PRMT8: variants seen among roughly 807,000 people sequenced by gnomAD.
PRMT8 encodes protein arginine N-methyltransferase 8.
PRMT8 carries 7 observed loss-of-function variants against 47.1 expected under a neutral mutation model. The ratio of observed to expected loss-of-function variants is 0.15; its 90% CI spans 0.08 to 0.28. PRMT8 has a LOEUF of 0.28. Ranked by LOEUF, PRMT8 falls within the 10% of genes least tolerant of loss-of-function variation. The pLI is 1.00. For missense variants in PRMT8, 237 were observed against 505.4 expected (o/e 0.47, Z 5.09); for synonymous variants, 188 against 186.5 (o/e 1.01, Z -0.07).
chr12:3,402,654 G>A (rs1375825489), intron 1 of PRMT8, among the ~76,000 whole-genome samples: 1 of 152,110 alleles, frequency 6.6e-6, no homozygotes, highest in Non-Finnish European at 1.5e-5. Context: ...ATTAAAAAGT[G>A]GGCAAAGAAC....
chr12:3,389,836 T>G (rs1056731576), intron 1 of PRMT8, among the ~76,000 whole-genome samples: 3 of 152,190 alleles, frequency 2.0e-5, no homozygotes, highest in African/African-American at 7.2e-5. Flanking sequence ...AGGGCAAGTA[T>G]GGGAAGCAAG....
intron 1 of PRMT8, among the ~76,000 whole-genome samples, chr12:3,460,516 G>A (rs911731874): frequency 8.5e-5 from 13 of 152,274 alleles, no homozygotes; most frequent in Admixed American, 7.8e-4. Flanking sequence ...GCTGTTCATA[G>A]GCAATGATGA....
rs375053114 is a variant in PRMT8, at chr12:3,554,786, G to C, written c.481+1072G>C. ...GCTTTGTCAAGTCCGAGGCACCGAGGAGTCAGCTCAGCCTCCCCTCTCTGT... is the reference window on the plus strand; with the variant it reads ...GCTTTGTCAAGTCCGAGGCACCGAGCAGTCAGCTCAGCCTCCCCTCTCTGT... On this transcript the variant is annotated intron_variant, in intron 4 of 9. Transcript: ENST00000382622. 7.9e-5 allele frequency among the ~76,000 whole-genome samples: 12 copies of C among 152,286 alleles called. 1 individual carries two copies. The highest frequency in any genetic ancestry group is 3.3e-4 in the Admixed American group (5 of 15,306).
chr12:3,571,173 CT>C (rs1305431893), intron 6 of PRMT8, among the ~76,000 whole-genome samples: 1 of 152,224 alleles, frequency 6.6e-6, no homozygotes, highest in African/African-American at 2.4e-5. Context: ...CTTTCTGCCC[CT>C]GGCTCTGGCA....
chr12:3,419,308 C>A (rs141556042), intron 1 of PRMT8, among the ~76,000 whole-genome samples: 1 of 152,290 alleles, frequency 6.6e-6, no homozygotes, highest in Non-Finnish European at 1.5e-5. Context: ...AAGGCGGAAG[C>A]AGACTGGCTA....
chr12:3,556,350 G>A (rs923942775), intron 4 of PRMT8, among the ~76,000 whole-genome samples: 2 of 152,084 alleles, frequency 1.3e-5, no homozygotes, highest in Non-Finnish European at 2.9e-5. Context: ...GGGGAGAAGG[G>A]CAGCAAAGAG....
chr12:3,414,679 G>A (rs559566568), intron 1 of PRMT8, among the ~76,000 whole-genome samples: 1 of 152,226 alleles, frequency 6.6e-6, no homozygotes, highest in East Asian at 1.9e-4. Flanking sequence ...GGCAGTGTAT[G>A]CAGAGGATGA....
rs1555085718 is a variant in PRMT8, at chr12:3,496,214, A to ATTTTTT, written c.75+4535_75+4540dup. ...TTTGGAAACTGATATATATATATAT[A>ATTTTTT]TTTTTTTTTTTTTTTTTTTTTTTTT... On this transcript the variant is annotated intron_variant, in intron 1 of 9. Coordinates refer to ENST00000382622, the MANE Select transcript of PRMT8 (RefSeq NM_019854.5). Among the ~76,000 whole-genome samples, 68 of 27,760 alleles carry ATTTTTT rather than the reference A, an allele frequency of 2.4e-3. 1 individual carries two copies. The highest frequency in any genetic ancestry group is 7.7e-3 in the South Asian group (3 of 392). 18.2% of individuals were successfully genotyped at this position (27,760 alleles called of 152,430 possible).
rs989662286 is a variant in PRMT8, at chr12:3,516,797, C to A, written c.76-23809C>A. Reference sequence around the variant, plus strand: ...GCTTGTTTGTTGGCCTCCCCCTCCCCACCTTCCCCCTCGCCCCTTAGTTGC... The same window carrying A: ...GCTTGTTTGTTGGCCTCCCCCTCCCAACCTTCCCCCTCGCCCCTTAGTTGC... On this transcript the variant is annotated intron_variant, in intron 1 of 9. Transcript: ENST00000382622. Among the ~76,000 whole-genome samples, 5 of 152,272 alleles carry A rather than the reference C, an allele frequency of 3.3e-5. 1 individual carries two copies. The highest frequency in any genetic ancestry group is 6.5e-5 in the Admixed American group (1 of 15,294).
intron 1 of PRMT8, among the ~76,000 whole-genome samples, chr12:3,400,730 C>G (rs1864306677): frequency 2.0e-5 from 3 of 152,196 alleles, no homozygotes; most frequent in Admixed American, 2.0e-4. Context: ...GGCCAATATC[C>G]TTGATGAACA....
At chr12:3,458,921 A>T (rs1865006361) in intron 1 of PRMT8, among the ~76,000 whole-genome samples, 1 of 152,208 alleles carries the variant, frequency 6.6e-6, no homozygotes, top group Non-Finnish European at 1.5e-5. Context: ...CAAGTTGCTC[A>T]GAGGTCTCCA....
chr12:3,530,832 C>T (rs547624997), intron 1 of PRMT8, among the ~76,000 whole-genome samples: 3 of 152,200 alleles, frequency 2.0e-5, no homozygotes, highest in Non-Finnish European at 4.4e-5. Context: ...ACCACACGCT[C>T]GAATTTCCTC....
chr12:3,507,121 T>TC (rs1211422080), intron 1 of PRMT8, among the ~76,000 whole-genome samples: 3 of 146,756 alleles, frequency 2.0e-5, no homozygotes, highest in South Asian at 4.4e-4. Context: ...GGCCTTTCTT[T>TC]TTTTTTTTTT....
intron 1 of PRMT8, among the ~76,000 whole-genome samples, chr12:3,455,452 C>T (rs1198714508): frequency 6.6e-6 from 1 of 152,118 alleles, no homozygotes; most frequent in African/African-American, 2.4e-5. Context: ...ATGCTGCCCT[C>T]ACTTGTGCTC....
rs141471595 is a variant in PRMT8, at chr12:3,494,645, C to T, written c.75+2945C>T. On this transcript the variant is annotated intron_variant, in intron 1 of 9. Transcript: ENST00000382622. ...AGTGTTCGTTCAAAAGCTAAAGCTA[C>T]GGAGAGATACTCTAACCATTGGGCA... Among the ~76,000 whole-genome samples the T allele has an allele frequency of 2.1e-3, 313 of 152,260 alleles. 1 individual carries two copies. The highest frequency in any genetic ancestry group is 7.7e-3 in the South Asian group (37 of 4,826).
Position 3,419,035 on chromosome 12 carries a change from C to T in PRMT8, c.48+37593C>T, listed in dbSNP as rs58247958. Among the ~76,000 whole-genome samples, 302 of 152,304 alleles carry T rather than the reference C, an allele frequency of 2.0e-3. 1 individual carries two copies. The highest frequency in any genetic ancestry group is 6.7e-3 in the African/African-American group (277 of 41,566). ...TTTTAAAGCCGTTGGGTTGCCCAGG[C>T]GATACACAGACGTTTTGTGGATGGT... On this transcript the variant is annotated intron_variant, in intron 1 of 9. Transcript: ENST00000452611.
upstream of PRMT8, among the ~76,000 whole-genome samples, chr12:3,487,252 C>T (rs1262465514): frequency 6.6e-6 from 1 of 152,142 alleles, no homozygotes; most frequent in African/African-American, 2.4e-5. Context: ...TGTGAGGTCC[C>T]CTGGGAGGAG....
At position 3,568,696 on chromosome 12, in the gene PRMT8, T is replaced by C. The variant is rs754666876; in HGVS notation, c.482-10T>C. ...CTGCAAAGTATGGCCCTGGGGTTCT[T>C]ATTTTCCAGTCATCACCATATTTAA... On this transcript the variant is annotated splice_polypyrimidine_tract_variant and intron_variant, in intron 4 of 9. Coordinates refer to ENST00000382622, the MANE Select transcript of PRMT8 (RefSeq NM_019854.5). 1 of 1,614,060 alleles carries C rather than the reference T, an allele frequency of 6.2e-7. No homozygotes were observed. Among genetic ancestry groups the C allele is most frequent in the Non-Finnish European group, 8.5e-7 (1 of 1,179,990 alleles).
At chr12:3,434,773 C>T (rs1350621791) in intron 1 of PRMT8, among the ~76,000 whole-genome samples, 1 of 148,790 alleles carries the variant, frequency 6.7e-6, no homozygotes, top group African/African-American at 2.5e-5. Context: ...ACTCAGATTC[C>T]AGCTGGGACT....
Sources: allele counts gnomAD v4.1 joint callset (sites outside exome capture counted in the v4.1 genomes callset), GRCh38; gene constraint gnomAD v4.1.1; transcripts MANE v1.5; gene names NCBI Gene and HGNC (gene_info 2026-07-23, HGNC 2026-07-21).